Variants in NOS1 observed in about 807,000 individuals in gnomAD.
NOS1 encodes the protein nitric oxide synthase 1.
A neutral mutation model predicts 164.5 loss-of-function variants in NOS1; 51 were observed. The observed-to-expected ratio is 0.31, with a 90% CI of 0.25 to 0.39. The LOEUF (loss-of-function observed/expected upper bound fraction) is 0.39, where lower values mean the gene tolerates loss of function less well. Ranked by LOEUF, NOS1 falls within the 10% of genes least tolerant of loss-of-function variation. The pLI, the probability that NOS1 is intolerant of heterozygous loss-of-function variation, is 1.00. For synonymous variants in NOS1, 719 were observed against 745.8 expected (o/e 0.96, Z 0.59); for missense variants, 1,362 against 1,885.6 (o/e 0.72, Z 5.14).
intron 7 of NOS1, 76 bp downstream of exon 7, chr12:117,285,165 C>G (rs1874014556): frequency 1.2e-6 from 1 of 869,150 alleles, no homozygotes. Context: ...GGCAGGTGAG[C>G]TGACTCCAGA....
At chr12:117,312,763 G>A (rs1037493361) in intron 2 of NOS1, among the ~76,000 whole-genome samples, 7 of 152,050 alleles carry the variant, frequency 4.6e-5, no homozygotes, top group Non-Finnish European at 8.8e-5. Flanking sequence ...AGGGGTAAGG[G>A]AGACAGAGAA....
Position 117,212,844 on chromosome 12 carries a change from CAG to C in NOS1, c.*2463_*2464del, listed in dbSNP as rs910450133. 9.1e-6 allele frequency: 9 copies of C among 985,230 alleles called. No individual in the cohort carries two copies. The highest frequency in any genetic ancestry group is 7.0e-5 in the African/African-American group (4 of 57,208). 61.0% of individuals were successfully genotyped at this position (985,230 alleles called of 1,614,324 possible). A position where few individuals can be genotyped will look rare whatever the true frequency, so the allele number is the denominator to read the frequency against. ...CTCTGGTCCTTGAGAGGTTACTCAA[CAG>C]AGAGAGAGGCTTTTGGTATCAGGAA... On this transcript the variant is annotated 3_prime_UTR_variant, in exon 29 of 29. Transcript: ENST00000317775.
At chr12:117,253,403 G>A (rs573866929) in intron 17 of NOS1, among the ~76,000 whole-genome samples, 2 of 152,240 alleles carry the variant, frequency 1.3e-5, no homozygotes, top group South Asian at 4.2e-4. Context: ...ATGGGGCTCT[G>A]AGGGAGTGTG....
Position 117,214,691 on chromosome 12 carries a change from C to T in NOS1, c.*618G>A, listed in dbSNP as rs1430595566. 15 of 985,182 alleles carry T rather than the reference C, an allele frequency of 1.5e-5. No individual in the cohort carries two copies. The highest frequency in any genetic ancestry group is 1.4e-4 in the African/African-American group (8 of 57,192). 61.0% of individuals were successfully genotyped at this position (985,182 alleles called of 1,614,324 possible). On this transcript the variant is annotated 3_prime_UTR_variant, in exon 29 of 29. Transcript: ENST00000317775. ...CTTCCAAATGTTTCAGGTACATGGGCGTGGACCCTAATTATGGACACACGA... is the reference window on the plus strand; with the variant it reads ...CTTCCAAATGTTTCAGGTACATGGGTGTGGACCCTAATTATGGACACACGA...
chr12:117,308,743 C>T (rs1236697694), intron 3 of NOS1, among the ~76,000 whole-genome samples: 3 of 151,822 alleles, frequency 2.0e-5, no homozygotes, highest in Non-Finnish European at 4.4e-5. Context: ...ATTACAGGCA[C>T]CCGCCACCAT....
intron 1 of NOS1, among the ~76,000 whole-genome samples, chr12:117,333,532 G>C (rs1287066742): frequency 2.0e-5 from 3 of 152,264 alleles, no homozygotes; most frequent in South Asian, 2.1e-4. Context: ...CCCCTCAATG[G>C]GGGGGTGTGT....
intron 17 of NOS1, 136 bp from the exon 18 acceptor site, chr12:117,247,658 A>G: frequency 1.2e-5 from 9 of 732,378 alleles, no homozygotes; most frequent in Non-Finnish European, 1.9e-5. Context: ...GTATTTTGAG[A>G]TAGGGCCTTT....
At chr12:117,348,322 C>G (rs1876452480) in intron 1 of NOS1, 1 of 152,106 alleles carries the variant, frequency 6.6e-6, no homozygotes, top group Non-Finnish European at 1.5e-5. Flanking sequence ...GGATTCAAAT[C>G]CTGATTCTGT....
chr12:117,221,865 G>A (rs1474198527), intron 26 of NOS1, among the ~76,000 whole-genome samples: 2 of 102,200 alleles, frequency 2.0e-5, no homozygotes, highest in Non-Finnish European at 3.9e-5. Flanking sequence ...TCAGTATGTT[G>A]CCCAGGCTGG....
intron 16 of NOS1, 32 bp from the exon 17 acceptor site, chr12:117,253,786 G>A (rs2135969245): frequency 6.8e-7 from 1 of 1,467,548 alleles, no homozygotes; most frequent in East Asian, 2.3e-5. Context: ...TGTGAGCTCT[G>A]GCCTGGAGCT....
intron 12 of NOS1, among the ~76,000 whole-genome samples, chr12:117,264,456 C>T (rs979163698): frequency 1.0e-5 from 1 of 97,254 alleles, no homozygotes; most frequent in African/African-American, 8.7e-5. Context: ...TATTTATTTT[C>T]TTTCTTTATT....
intron 1 of NOS1, among the ~76,000 whole-genome samples, chr12:117,344,575 A>G (rs565611094): frequency 6.6e-6 from 1 of 152,344 alleles, no homozygotes; most frequent in Non-Finnish European, 1.5e-5. Flanking sequence ...TGGGGACTCA[A>G]GTCAAGTTTG....
intron 14 of NOS1, 83 bp from the exon 15 acceptor site, chr12:117,259,213 A>G (rs1871694712): frequency 1.1e-6 from 1 of 894,532 alleles, no homozygotes; most frequent in East Asian, 2.5e-5. Context: ...ACAAAAAGTG[A>G]TGGGGGAAGG....
intron 12 of NOS1, among the ~76,000 whole-genome samples, 196 bp from the exon 13 acceptor site, chr12:117,264,170 G>T (rs1029396468): frequency 1.3e-5 from 2 of 152,004 alleles, no homozygotes; most frequent in African/African-American, 4.8e-5. Context: ...TGCCCAGTGG[G>T]TGGTCTGGCC....
At chr12:117,284,954 G>A (rs1258177874) in intron 7 of NOS1, among the ~76,000 whole-genome samples, 2 of 151,468 alleles carry the variant, frequency 1.3e-5, no homozygotes, top group Non-Finnish European at 2.9e-5. Flanking sequence ...GTAGGCTGAG[G>A]CAGGAGAATC....
intron 26 of NOS1, 146 bp downstream of exon 26, chr12:117,222,569 C>G: frequency 1.3e-6 from 1 of 744,844 alleles, no homozygotes; most frequent in East Asian, 2.6e-5. Flanking sequence ...AGATATTTTC[C>G]CTACCCATGC....
intron 28 of NOS1, among the ~76,000 whole-genome samples, chr12:117,216,831 G>A (rs923260441): frequency 2.0e-5 from 3 of 152,082 alleles, no homozygotes; most frequent in Non-Finnish European, 2.9e-5. Flanking sequence ...AATGATATGA[G>A]TCTACTGGCC....
At chr12:117,302,293 T>C (rs529247232) in intron 3 of NOS1, among the ~76,000 whole-genome samples, 8 of 152,264 alleles carry the variant, frequency 5.3e-5, no homozygotes, top group Admixed American at 3.9e-4. Context: ...TCAGCACAGA[T>C]GCTATTAATA....
chr12:117,307,485 C>G (rs1198990209), intron 3 of NOS1, among the ~76,000 whole-genome samples: 1 of 152,090 alleles, frequency 6.6e-6, no homozygotes, highest in East Asian at 1.9e-4. Flanking sequence ...CTCAACCTCC[C>G]AAGTAGCTGG....
Sources: gnomAD v4.1 joint callset for allele counts (sites outside exome capture counted in the v4.1 genomes callset) on GRCh38, gnomAD v4.1.1 for gene constraint, MANE v1.5 for transcripts, NCBI Gene and HGNC (gene_info 2026-07-23, HGNC 2026-07-21) for gene names.